Variants in TMC3 observed in about 807,000 individuals in gnomAD.
TMC3 encodes the protein transmembrane channel-like protein 3.
Under a neutral mutation model 110.6 loss-of-function variants are expected in TMC3, and 98 were observed. The ratio of observed to expected loss-of-function variants is 0.89; its 90% CI spans 0.75 to 1.05. TMC3 has a LOEUF of 1.05. Ranked by LOEUF, TMC3 falls within the 50% of genes least tolerant of loss-of-function variation. The probability of loss-of-function intolerance (pLI) is 0.00; values close to 1 mark genes in which losing one functional copy is unlikely to be tolerated. For synonymous variants in TMC3, 489 were observed against 513.1 expected, an observed-to-expected ratio of 0.95 and a Z score of 0.63; for missense variants, 1,319 against 1,373.2, an observed-to-expected ratio of 0.96 and a Z score of 0.62.
At chr15:81,350,844 AACCGTTCACTTGGTG>A (rs1301207305) in intron 10 of TMC3, among the ~76,000 whole-genome samples, 1 of 152,244 alleles carries the variant, frequency 6.6e-6, no homozygotes, top group Non-Finnish European at 1.5e-5. Context: ...AATTGTTCAT[AACCGTTCACTTGGTG>A]ATTTTCTATT....
At position 81,341,476 on chromosome 15, in the gene TMC3, A is replaced by T; in HGVS notation, c.1758T>A (p.Val586=). 1 of 1,611,352 alleles carries T rather than the reference A, an allele frequency of 6.2e-7. No individual in the cohort carries two copies. Among genetic ancestry groups the T allele is most frequent in the African/African-American group, 1.3e-5 (1 of 75,006 alleles). The change falls in exon 16 of 22, where the codon GTT becomes GTA. Residue 586 remains valine (V), a synonymous_variant. Coordinates refer to ENST00000359440, the MANE Select transcript of TMC3 (RefSeq NM_001080532.3). The stretch of plus-strand genomic sequence containing the variant: ...GGTACATGAGCCCAATGAGTTTGAG[A>T]ACGTTGAACGCTGGGAGACATGGGG... ...FFSPCLPAFN[V]LKLIGLMYLR... is the part of the protein sequence containing the mutation.
rs1456390557 is a variant in TMC3, at chr15:81,332,698, G to A, written c.3024C>T (p.Ala1008=). ...EDFEGHLERP[A]YVPRKPRSRN... is the part of the protein sequence containing the mutation. Reference sequence around the variant, plus strand: ...GGGATCGTGGCTTTCTGGGCACATAGGCTGGCCTCTCAAGGTGACCCTCAA... The same window carrying A: ...GGGATCGTGGCTTTCTGGGCACATAAGCTGGCCTCTCAAGGTGACCCTCAA... Residue 1008 remains alanine (A), a synonymous_variant, in exon 22 of 22, where the codon GCC becomes GCT. Coordinates refer to ENST00000359440, the MANE Select transcript of TMC3 (RefSeq NM_001080532.3). The A allele has an allele frequency of 8.1e-6, 13 of 1,613,870 alleles. No individual in the cohort carries two copies. In the East Asian group the frequency reaches 2.7e-4, roughly 33 times the overall value.
At chr15:81,365,833 G>A (rs1471459197) in intron 3 of TMC3, among the ~76,000 whole-genome samples, 2 of 152,112 alleles carry the variant, frequency 1.3e-5, no homozygotes, top group African/African-American at 4.8e-5. Flanking sequence ...CCACGCAGAA[G>A]ATATTTAACA....
chr15:81,364,709 A>AAAT lies in TMC3; in HGVS notation c.313-2409_313-2408insATT, dbSNP rs1555429406. On this transcript the variant is annotated intron_variant, in intron 3 of 21. Coordinates refer to ENST00000359440, the MANE Select transcript of TMC3 (RefSeq NM_001080532.3). ...AAAAAAAACATTATTCCAAAAAAAA[A>AAAT]AAAATAAAAAATAAAACTGTAATAA... Among the ~76,000 whole-genome samples, 6 of 144,440 alleles carry AAAT rather than the reference A, an allele frequency of 4.2e-5. No homozygotes were observed. The East Asian group carries it at 7.9e-4, about 19-fold the overall frequency. 94.8% of individuals were successfully genotyped at this position (144,440 alleles called of 152,430 possible).
intron 5 of TMC3, among the ~76,000 whole-genome samples, chr15:81,359,036 G>A (rs1372263214): frequency 2.6e-5 from 4 of 151,972 alleles, no homozygotes; most frequent in African/African-American, 9.7e-5. Flanking sequence ...AGTGGTTGGG[G>A]AAAAAAATCA....
intron 20 of TMC3, among the ~76,000 whole-genome samples, chr15:81,335,350 A>G (rs1199465384): frequency 2.0e-5 from 3 of 152,252 alleles, no homozygotes; most frequent in East Asian, 1.9e-4. Context: ...ATTCTGAAAA[A>G]AGATGTGGTC....
chr15:81,355,684 A>C (rs769070665), intron 9 of TMC3, 41 bp downstream of exon 9: 3 of 1,384,240 alleles, frequency 2.2e-6, no homozygotes, highest in Non-Finnish European at 3.0e-6. Context: ...CTAAAAATAA[A>C]ACTTATCAAT....
At chr15:81,334,666 G>A in intron 21 of TMC3, 54 bp downstream of exon 21, 1 of 1,567,862 alleles carries the variant, frequency 6.4e-7, no homozygotes, top group South Asian at 1.2e-5. Flanking sequence ...AGCTGCAGAG[G>A]CCTTCAAATC....
At position 81,344,166 on chromosome 15, in the gene TMC3, G is replaced by A; in HGVS notation, c.1519-121C>T. 5.0e-6 allele frequency: 5 copies of A among 1,004,634 alleles called. No individual in the cohort carries two copies. In the South Asian group the frequency reaches 6.6e-5, roughly 13 times the overall value. 62.2% of individuals were successfully genotyped at this position (1,004,634 alleles called of 1,614,324 possible). A position where few individuals can be genotyped will look rare whatever the true frequency, so the allele number is the denominator to read the frequency against. On this transcript the variant is annotated intron_variant, in intron 13 of 21. Coordinates refer to ENST00000359440, the MANE Select transcript of TMC3 (RefSeq NM_001080532.3). ...GCCCCAGCCAGTGGGCCCCTCCAAT[G>A]GCATCTTCATTTCTCATCTTTGTAA...
intron 3 of TMC3, among the ~76,000 whole-genome samples, chr15:81,365,475 A>G (rs1894290476): frequency 6.6e-6 from 1 of 152,194 alleles, no homozygotes; most frequent in African/African-American, 2.4e-5. Context: ...GTTCGAGACC[A>G]GACTGACCAA....
intron 16 of TMC3, among the ~76,000 whole-genome samples, chr15:81,340,359 C>T (rs1301594354): frequency 6.6e-6 from 1 of 152,072 alleles, no homozygotes; most frequent in East Asian, 1.9e-4. Flanking sequence ...CACAGACATA[C>T]ATACATATAA....
Position 81,343,915 on chromosome 15 carries a change from A to G in TMC3, c.1647+2T>C. 1 of 1,611,432 alleles carries G rather than the reference A, an allele frequency of 6.2e-7. No homozygotes were observed. The highest frequency in any genetic ancestry group is 8.5e-7 in the Non-Finnish European group (1 of 1,178,438). ...TCCCAACAGACACAGCATTTTACTT[A>G]CAAACTTGCTCTCCAGATCCCAACA... On this transcript the variant is annotated splice_donor_variant, in intron 14 of 21. Transcript: ENST00000359440. LOFTEE classifies it high-confidence loss of function.
At chr15:81,346,584 G>C (rs1596083956) in intron 11 of TMC3, 141 bp from the exon 12 acceptor site, 1 of 793,816 alleles carries the variant, frequency 1.3e-6, no homozygotes, top group East Asian at 2.7e-5. Flanking sequence ...GAATCACCTT[G>C]CGGGCATTTT....
At chr15:81,348,776 A>ACACT (rs1479174550) in intron 11 of TMC3, among the ~76,000 whole-genome samples, 1 of 152,028 alleles carries the variant, frequency 6.6e-6, no homozygotes, top group African/African-American at 2.4e-5. Context: ...AAAACCAGAC[A>ACACT]CTGCCAGACC....
intron 3 of TMC3, among the ~76,000 whole-genome samples, chr15:81,363,905 G>T (rs1358394690): frequency 6.6e-6 from 1 of 152,126 alleles, no homozygotes; most frequent in Non-Finnish European, 1.5e-5. Flanking sequence ...TGAGTCTCTG[G>T]CCCGTTTTAA....
Position 81,344,968 on chromosome 15 carries a change from G to A in TMC3, c.1316C>T (p.Thr439Ile). The change falls in exon 13 of 22, where the codon ACC becomes ATC. Residue 439 changes from threonine (T) to isoleucine (I), a missense_variant. By Grantham distance (89) the Thr-to-Ile change is moderately conservative. Coordinates refer to ENST00000359440, the MANE Select transcript of TMC3 (RefSeq NM_001080532.3). ...GGCTGTCCTGGTTGCAAAGAAGGTG[G>A]TGGAATCTATCCAATGACTTGTGTT... The part of the protein sequence containing the change: ...KNNTSHWIDS[T>I]TFFATRTAPE... The A allele has an allele frequency of 6.2e-7, 1 of 1,604,588 alleles. No individual in the cohort carries two copies. The highest frequency in any genetic ancestry group is 1.1e-5 in the South Asian group (1 of 89,244).
chr15:81,368,169 G>A (rs998807591), intron 3 of TMC3, 84 bp downstream of exon 3: 7 of 955,378 alleles, frequency 7.3e-6, no homozygotes, highest in Middle Eastern at 2.1e-4. Context: ...TTCTGACCTC[G>A]TGATCCACCT....
At chr15:81,367,924 G>T (rs773010866) in intron 3 of TMC3, among the ~76,000 whole-genome samples, 1 of 152,006 alleles carries the variant, frequency 6.6e-6, no homozygotes, top group Non-Finnish European at 1.5e-5. Context: ...TGTGTTTTTT[G>T]TTGTTGTTGT....
chr15:81,337,590 G>T, intron 19 of TMC3: 1 of 561,226 alleles, frequency 1.8e-6, no homozygotes, highest in East Asian at 3.1e-5. Context: ...GGCACTGAAA[G>T]GCTCGAGGCA....
Sources: allele counts gnomAD v4.1 joint callset (sites outside exome capture counted in the v4.1 genomes callset), GRCh38; gene constraint gnomAD v4.1.1; transcripts MANE v1.5; gene names NCBI Gene and HGNC (gene_info 2026-07-23, HGNC 2026-07-21).